Variants in SEMA5A observed in about 807,000 individuals in gnomAD.
SEMA5A encodes semaphorin 5A, also known as semaphorin-5A.
SEMA5A carries 55 observed loss-of-function variants against 135.5 expected under a neutral mutation model. The ratio of observed to expected loss-of-function variants is 0.41; its 90% CI spans 0.33 to 0.51. SEMA5A has a LOEUF of 0.51. Ranked by LOEUF, SEMA5A falls within the 20% of genes least tolerant of loss-of-function variation. SEMA5A has a pLI of 0.37. For synonymous variants in SEMA5A, 580 were observed against 546.5 expected, an observed-to-expected ratio of 1.06 and a Z score of -0.85; for missense variants, 1,290 against 1,419.9, an observed-to-expected ratio of 0.91 and a Z score of 1.47.
chr5:9,486,879 TAG>T (rs1342747468), intron 1 of SEMA5A, among the ~76,000 whole-genome samples: 1 of 152,076 alleles, frequency 6.6e-6, no homozygotes, highest in Admixed American at 6.5e-5. Context: ...TAAAAGACAA[TAG>T]AGTCATCTTT....
At chr5:9,484,195 A>C (rs960479731) in intron 1 of SEMA5A, among the ~76,000 whole-genome samples, 2 of 152,192 alleles carry the variant, frequency 1.3e-5, no homozygotes, top group African/African-American at 4.8e-5. Flanking sequence ...CTTGAATTTC[A>C]AGGATTAGGG....
rs67762219 is a variant in SEMA5A at position 9,109,028 on chromosome 5, A to ATTTTTT, written c.1926-747_1926-742dup. Reference sequence around the variant, plus strand: ...TCATGAGTCATATTATTTCTCTTCAATTTTTTTTTTTTTTTTTTTTTTTTT... The same window carrying ATTTTTT: ...TCATGAGTCATATTATTTCTCTTCAATTTTTTTTTTTTTTTTTTTTTTTTTTTTTTT... On this transcript the variant is annotated intron_variant, in intron 15 of 22. Coordinates refer to ENST00000382496, the MANE Select transcript of SEMA5A (RefSeq NM_003966.3). 3.0e-4 allele frequency among the ~76,000 whole-genome samples: 28 copies of ATTTTTT among 92,442 alleles called. 1 individual carries two copies. The highest frequency in any genetic ancestry group is 6.9e-4 in the African/African-American group (15 of 21,754). The allele number at this position is 92,442 out of a possible 152,430, so 60.6% of individuals were successfully genotyped here. A position where few individuals can be genotyped will look rare whatever the true frequency, so the allele number is the denominator to read the frequency against.
chr5:9,174,980 T>C (rs1490774835), intron 11 of SEMA5A, among the ~76,000 whole-genome samples: 2 of 152,218 alleles, frequency 1.3e-5, no homozygotes, highest in South Asian at 4.1e-4. Flanking sequence ...TGTTAACACA[T>C]CACAGCAGAA....
At chr5:9,376,387 T>G (rs1755364514) in intron 3 of SEMA5A, among the ~76,000 whole-genome samples, 1 of 152,198 alleles carries the variant, frequency 6.6e-6, no homozygotes, top group Admixed American at 6.5e-5. Flanking sequence ...ACCTCTCCTT[T>G]CATAAGTTTT....
chr5:9,380,144 G>T lies in SEMA5A; in HGVS notation c.-77-121C>A, dbSNP rs530644296. 4 of 638,192 alleles carry T rather than the reference G, an allele frequency of 6.3e-6. No individual in the cohort carries two copies. The East Asian group carries it at 1.1e-4, about 18-fold the overall frequency. 39.5% of individuals were successfully genotyped at this position (638,192 alleles called of 1,614,324 possible). A position where few individuals can be genotyped will look rare whatever the true frequency, so the allele number is the denominator to read the frequency against. ...CTTTGTGGAGATAGAGGAGAGCTTG[G>T]AGGGCTTAGAGCAGCATATTTTTCT... On this transcript the variant is annotated intron_variant, in intron 2 of 22. Coordinates refer to ENST00000382496, the MANE Select transcript of SEMA5A (RefSeq NM_003966.3).
At position 9,381,967 on chromosome 5, in the gene SEMA5A, TGTGTGTGTGTGTGTGCGC is replaced by T. The variant is rs1165852158; in HGVS notation, c.-77-1962_-77-1945del. ...TTGTGTGTGTGTGTGTGTGTGTGTG[TGTGTGTGTGTGTGTGCGC>T]GCGCGCGCACATCAAGTTTCAGACA... is the stretch of plus-strand genomic sequence containing the variant. On this transcript the variant is annotated intron_variant, in intron 2 of 22. Transcript: ENST00000382496. 6.6e-3 allele frequency among the ~76,000 whole-genome samples: 852 copies of T among 129,936 alleles called. 10 individuals carry two copies. Among genetic ancestry groups the T allele is most frequent in the African/African-American group, 0.026 (833 of 31,668 alleles). 85.2% of individuals were successfully genotyped at this position (129,936 alleles called of 152,430 possible).
intron 11 of SEMA5A, among the ~76,000 whole-genome samples, chr5:9,156,256 A>G (rs1011081104): frequency 6.6e-6 from 1 of 152,232 alleles, no homozygotes; most frequent in African/African-American, 2.4e-5. Context: ...ATCACAGTTC[A>G]TAAGCTTGTT....
intron 1 of SEMA5A, among the ~76,000 whole-genome samples, chr5:9,445,422 G>A (rs997564598): frequency 6.6e-6 from 1 of 151,194 alleles, no homozygotes; most frequent in Non-Finnish European, 1.5e-5. Context: ...GTAATCCCAG[G>A]ACTTTGGGAG....
chr5:9,178,482 C>A (rs1375691235), intron 11 of SEMA5A, among the ~76,000 whole-genome samples: 1 of 151,904 alleles, frequency 6.6e-6, no homozygotes, highest in Non-Finnish European at 1.5e-5. Flanking sequence ...CAGGCACATG[C>A]CCCCACACCC....
intron 5 of SEMA5A, among the ~76,000 whole-genome samples, chr5:9,289,720 A>G (rs1001480652): frequency 2.0e-5 from 3 of 152,142 alleles, no homozygotes; most frequent in African/African-American, 4.8e-5. Flanking sequence ...AAATTTTGAT[A>G]TACTACTTTT....
intron 13 of SEMA5A, among the ~76,000 whole-genome samples, chr5:9,132,758 C>T (rs1300621214): frequency 6.6e-6 from 1 of 152,196 alleles, no homozygotes; most frequent in Non-Finnish European, 1.5e-5. Context: ...GGTTGACTCA[C>T]CATCATCAAT....
chr5:9,122,435 C>A (rs2150184895), intron 14 of SEMA5A, among the ~76,000 whole-genome samples: 1 of 152,288 alleles, frequency 6.6e-6, no homozygotes, highest in Admixed American at 6.5e-5. Context: ...AAATACTTTT[C>A]CTAATCTAAT....
At chr5:9,269,747 CTA>C (rs1561091241) in intron 5 of SEMA5A, among the ~76,000 whole-genome samples, 6 of 152,216 alleles carry the variant, frequency 3.9e-5, no homozygotes, top group Admixed American at 3.3e-4. Flanking sequence ...TTTATATTCT[CTA>C]TGTCTATATA....
At chr5:9,205,032 C>T (rs74617583) in intron 8 of SEMA5A, among the ~76,000 whole-genome samples, 53 of 152,182 alleles carry the variant, frequency 3.5e-4, no homozygotes, top group African/African-American at 1.3e-3. Flanking sequence ...TTCCATGAAA[C>T]TGGTTCTTAG....
intron 1 of SEMA5A, among the ~76,000 whole-genome samples, chr5:9,496,619 C>A (rs1227336379): frequency 1.3e-5 from 2 of 152,022 alleles, no homozygotes; most frequent in Non-Finnish European, 2.9e-5. Flanking sequence ...TAATTCAACC[C>A]AGCTGGGATG....
chr5:9,052,180 C>T (rs1736623539), intron 19 of SEMA5A, 152 bp from the exon 20 acceptor site: 1 of 842,792 alleles, frequency 1.2e-6, no homozygotes, highest in East Asian at 2.8e-5. Flanking sequence ...GTAGTTGTAT[C>T]ATCTAACAGA....
At chr5:9,272,668 A>C (rs867318768) in intron 5 of SEMA5A, among the ~76,000 whole-genome samples, 7 of 152,174 alleles carry the variant, frequency 4.6e-5, no homozygotes, top group African/African-American at 1.7e-4. Flanking sequence ...AGGAAGGAAC[A>C]GGCAGCAATC....
chr5:9,161,331 A>T (rs1047950241), intron 11 of SEMA5A, among the ~76,000 whole-genome samples: 10 of 152,152 alleles, frequency 6.6e-5, no homozygotes, highest in African/African-American at 2.4e-4. Flanking sequence ...AGGAACCGAA[A>T]GGGTTTATCT....
chr5:9,043,047 A>C (rs764645805), intron 22 of SEMA5A, 31 bp from the exon 23 acceptor site: 1 of 1,563,118 alleles, frequency 6.4e-7, no homozygotes, highest in Non-Finnish European at 8.8e-7. Flanking sequence ...AAACAGGTTT[A>C]AGAATGCTGA....
Sources: gnomAD v4.1 joint callset for allele counts (sites outside exome capture counted in the v4.1 genomes callset) on GRCh38, gnomAD v4.1.1 for gene constraint, MANE v1.5 for transcripts, NCBI Gene and HGNC (gene_info 2026-07-23, HGNC 2026-07-21) for gene names.